NOS1: variants seen among roughly 807,000 people sequenced by gnomAD.
NOS1 encodes the protein nitric oxide synthase 1.
A neutral mutation model predicts 164.5 loss-of-function variants in NOS1; 51 were observed. The observed-to-expected ratio is 0.31, with a 90% CI of 0.25 to 0.39. The LOEUF (loss-of-function observed/expected upper bound fraction) is 0.39. NOS1 is among the 10% of genes least tolerant of loss of function. NOS1 has a pLI of 1.00. For synonymous variants in NOS1, 719 were observed against 745.8 expected (o/e 0.96, Z 0.59); for missense variants, 1,362 against 1,885.6 (o/e 0.72, Z 5.14).
chr12:117,251,115 G>C (rs1871071282), intron 17 of NOS1, among the ~76,000 whole-genome samples: 2 of 152,154 alleles, frequency 1.3e-5, no homozygotes, highest in African/African-American at 4.8e-5. Context: ...AGGGGCTGAA[G>C]AGATCAGAGT....
At chr12:117,361,388 C>G (rs527854428) in intron 1 of NOS1, 124 bp downstream of exon 1, 2 of 147,666 alleles carry the variant, frequency 1.4e-5, no homozygotes, top group South Asian at 2.3e-4. Context: ...AGCCCCCACT[C>G]CTCCCTTCTC....
At chr12:117,258,538 G>T in intron 15 of NOS1, 83 bp from the exon 16 acceptor site, 1 of 1,423,958 alleles carries the variant, frequency 7.0e-7, no homozygotes, top group Non-Finnish European at 9.8e-7. Flanking sequence ...TGGGGTCCTG[G>T]CTGTCAAAGA....
chr12:117,347,347 A>G (rs534131985), intron 1 of NOS1, among the ~76,000 whole-genome samples: 13 of 152,048 alleles, frequency 8.5e-5, no homozygotes, highest in African/African-American at 3.1e-4. Context: ...TGGAGGTTTC[A>G]TCAAAGATAG....
In NOS1 at chr12:117,272,686, C is replaced by A. The variant is rs1341119079; in HGVS notation, c.1665-127G>T. 1.2e-6 allele frequency: 1 copy of A among 838,156 alleles called. No homozygotes were observed. 51.9% of individuals were successfully genotyped at this position (838,156 alleles called of 1,614,324 possible). ...ACAAGGTCAGAATATGGTTCCTGGGCCCTGCTTCAGATCTGTGGAATTGCA... is the reference window on the plus strand; with the variant it reads ...ACAAGGTCAGAATATGGTTCCTGGGACCTGCTTCAGATCTGTGGAATTGCA... On this transcript the variant is annotated intron_variant, in intron 9 of 28. Transcript: ENST00000317775. This position sits in a 1 kb window ranked among gnomAD's most constrained non-coding sequence, Gnocchi z 4.3.
At position 117,210,847 on chromosome 12, in the gene NOS1, C is replaced by T. The variant is rs187127850; in HGVS notation, c.*4462G>A. Reference sequence around the variant, plus strand: ...ACTTGGGAAGGATTCACCCTGTTGACTCCAGAGAAGCTGACTATCACATCA... The same window carrying T: ...ACTTGGGAAGGATTCACCCTGTTGATTCCAGAGAAGCTGACTATCACATCA... On this transcript the variant is annotated 3_prime_UTR_variant, in exon 29 of 29. Transcript: ENST00000317775. 416 of 985,458 alleles carry T rather than the reference C, an allele frequency of 4.2e-4. 1 individual carries two copies. In the African/African-American group the frequency reaches 6.9e-3, roughly 16 times the overall value. 61.0% of individuals were successfully genotyped at this position (985,458 alleles called of 1,614,324 possible). A position where few individuals can be genotyped will look rare whatever the true frequency, so the allele number is the denominator to read the frequency against.
At chr12:117,293,638 T>A (rs1378273780) in intron 3 of NOS1, among the ~76,000 whole-genome samples, 2 of 151,840 alleles carry the variant, frequency 1.3e-5, no homozygotes, top group African/African-American at 4.8e-5. Context: ...CAAGTATTAT[T>A]ACTTGTATTA....
intron 3 of NOS1, among the ~76,000 whole-genome samples, chr12:117,311,111 C>T (rs780999841): frequency 1.1e-4 from 17 of 152,198 alleles, no homozygotes; most frequent in Non-Finnish European, 1.9e-4. Context: ...AGCTATCCTC[C>T]GCCTTGGCCT....
At chr12:117,338,033 G>A (rs1241457993) in intron 1 of NOS1, among the ~76,000 whole-genome samples, 2 of 152,080 alleles carry the variant, frequency 1.3e-5, no homozygotes, top group Admixed American at 6.6e-5. Flanking sequence ...TGGCCAACAT[G>A]GTGAAACCCC....
chr12:117,240,216 T>G (rs548684621), intron 20 of NOS1, among the ~76,000 whole-genome samples: 69 of 152,338 alleles, frequency 4.5e-4, no homozygotes, highest in African/African-American at 1.6e-3. Flanking sequence ...CCTCTCTGCA[T>G]CAGGGACCAT....
chr12:117,271,595 A>C (rs1446122587), intron 10 of NOS1, among the ~76,000 whole-genome samples: 1 of 152,160 alleles, frequency 6.6e-6, no homozygotes, highest in Non-Finnish European at 1.5e-5. Context: ...TTTTAACAGC[A>C]CAAACCTGAT....
rs1266344574 is a variant in NOS1 at position 117,208,272 on chromosome 12, G to T, written c.*7037C>A. The T allele has an allele frequency of 7.8e-7, 1 of 1,287,334 alleles. No individual in the cohort carries two copies. The highest frequency in any genetic ancestry group is 1.0e-6 in the Non-Finnish European group (1 of 987,492). The allele number at this position is 1,287,334 out of a possible 1,614,324, so 79.7% of individuals were successfully genotyped here. ...CGACAAACACAGCCTGGACAACCTC[G>T]CAAAGAGCGTGGGGTGGGCGTCAGT... On this transcript the variant is annotated 3_prime_UTR_variant, in exon 29 of 29. Transcript: ENST00000317775.
rs749837589 is a variant in NOS1, at chr12:117,260,480, G to C, written c.2352C>G (p.His784Gln). Residue 784 changes from histidine (H) to glutamine (Q), a missense_variant, in exon 14 of 29, where the codon CAC (histidine) becomes CAG (glutamine). This residue lies in a region of NOS1 where 737 missense variants were observed against 1,030.3 expected (regional missense o/e 0.72). Coordinates refer to ENST00000317775, the MANE Select transcript of NOS1 (RefSeq NM_000620.5). ...CCCCACCTACCTTGGCATCAAAGGC[G>C]TGTTTGAAGATCTCACACAAGGTCT... is the stretch of plus-strand genomic sequence containing the variant. ...YAKTLCEIFK[H>Q]AFDAKVMSME... 1 of 1,613,972 alleles carries C rather than the reference G, an allele frequency of 6.2e-7. No individual in the cohort carries two copies. The highest frequency in any genetic ancestry group is 1.7e-5 in the Admixed American group (1 of 60,014).
intron 2 of NOS1, among the ~76,000 whole-genome samples, chr12:117,313,441 T>C (rs1321696430): frequency 6.6e-6 from 1 of 152,022 alleles, no homozygotes; most frequent in Non-Finnish European, 1.5e-5. Context: ...ACTACAGGCG[T>C]GCACCACCCT....
At position 117,215,235 on chromosome 12, in the gene NOS1, G is replaced by A; in HGVS notation, c.*74C>T. 13 of 1,425,128 alleles carry A rather than the reference G, an allele frequency of 9.1e-6. No homozygotes were observed. Among genetic ancestry groups the A allele is most frequent in the East Asian group, 7.6e-5 (3 of 39,230 alleles). The allele number at this position is 1,425,128 out of a possible 1,614,324, so 88.3% of individuals were successfully genotyped here. On this transcript the variant is annotated 3_prime_UTR_variant, in exon 29 of 29. Coordinates refer to ENST00000317775, the MANE Select transcript of NOS1 (RefSeq NM_000620.5). ...AGGAGGCAGAGCGAGGGCCACAGGG[G>A]GTCCCAGAGGAAAGGTTCAGCAGTG... is the stretch of plus-strand genomic sequence containing the variant.
At chr12:117,346,161 G>A (rs987809322) in intron 1 of NOS1, among the ~76,000 whole-genome samples, 36 of 152,276 alleles carry the variant, frequency 2.4e-4, no homozygotes, top group African/African-American at 8.2e-4. Context: ...TGAGACTTCA[G>A]ACACTTGGTT....
Position 117,272,562 on chromosome 12 carries a change from G to T in NOS1, c.1665-3C>A, listed in dbSNP as rs775345104. The T allele has an allele frequency of 1.2e-6, 2 of 1,612,848 alleles. No homozygotes were observed. The highest frequency in any genetic ancestry group is 1.1e-5 in the South Asian group (1 of 90,986). ...CCAGGTCCTTGAACCACTCAAACCT[G>T]CAGGGAGCAACAGGGCCCAGCTCAC... On this transcript the variant is annotated splice_region_variant and splice_polypyrimidine_tract_variant and intron_variant, in intron 9 of 28. Coordinates refer to ENST00000317775, the MANE Select transcript of NOS1 (RefSeq NM_000620.5). The surrounding 1 kb of genome is among the most constrained non-coding windows in gnomAD (Gnocchi z 4.3).
At chr12:117,305,900 T>C (rs954209715) in intron 3 of NOS1, among the ~76,000 whole-genome samples, 8 of 151,872 alleles carry the variant, frequency 5.3e-5, no homozygotes, top group African/African-American at 1.9e-4. Context: ...CAAGCAATTC[T>C]TGTGCCTCAG....
At chr12:117,236,945 G>C (rs575435553) in intron 20 of NOS1, among the ~76,000 whole-genome samples, 34 of 152,272 alleles carry the variant, frequency 2.2e-4, no homozygotes, top group African/African-American at 7.0e-4. Flanking sequence ...CTCTGGCCCT[G>C]CTGGGAGTTT....
At chr12:117,288,351 AC>A in intron 4 of NOS1, 132 bp from the exon 5 acceptor site, 1 of 756,900 alleles carries the variant, frequency 1.3e-6, no homozygotes, top group Non-Finnish European at 2.1e-6. Flanking sequence ...TTTCTCAAGT[AC>A]CAGCTTCAAA....
Sources: gnomAD v4.1 joint callset for allele counts (sites outside exome capture counted in the v4.1 genomes callset) on GRCh38, gnomAD v4.1.1 for gene constraint, gnomAD v4.1.1 regional missense constraint, Gnocchi (gnomAD v3.1) non-coding constraint, MANE v1.5 for transcripts, NCBI Gene and HGNC (gene_info 2026-07-23, HGNC 2026-07-21) for gene names.